Variants in BBX observed in about 807,000 individuals in gnomAD.
BBX encodes the protein HMG box transcription factor BBX.
BBX carries 30 observed loss-of-function variants against 100.2 expected under a neutral mutation model. That is an observed-to-expected ratio of 0.30 (90% CI 0.22 to 0.41). BBX has a LOEUF of 0.41. Among genes scored for constraint, BBX ranks in the 10% least tolerant of loss-of-function variants. BBX has a pLI of 1.00. For missense variants in BBX, 1,023 were observed against 1,129.8 expected, an observed-to-expected ratio of 0.91 and a Z score of 1.35; for synonymous variants, 376 against 388.1, an observed-to-expected ratio of 0.97 and a Z score of 0.37.
intron 2 of BBX, among the ~76,000 whole-genome samples, chr3:107,541,307 T>C (rs547693118): frequency 1.3e-5 from 2 of 152,302 alleles, no homozygotes; most frequent in South Asian, 4.1e-4. Flanking sequence ...AATTTATCTT[T>C]TTGAGCTAAA....
rs182632308 is a variant in BBX at position 107,646,635 on chromosome 3, C to A, written c.-10+726C>A. 3.3e-5 allele frequency among the ~76,000 whole-genome samples: 5 copies of A among 152,132 alleles called. No individual in the cohort carries two copies. The East Asian group carries it at 9.6e-4, about 29-fold the overall frequency. On this transcript the variant is annotated intron_variant, in intron 3 of 17. Coordinates refer to ENST00000325805, the MANE Select transcript of BBX (RefSeq NM_001142568.3). ...GGGAATCAGATGTGGGATTGCTTTA[C>A]TGGTATCTGAATACTTTATGGTGAA...
At chr3:107,549,655 T>C (rs886185470) in intron 2 of BBX, among the ~76,000 whole-genome samples, 1 of 152,178 alleles carries the variant, frequency 6.6e-6, no homozygotes, top group Non-Finnish European at 1.5e-5. Flanking sequence ...GGGAATCTAC[T>C]ATTATGCTTG....
Position 107,772,850 on chromosome 3 carries a change from C to G in BBX, c.1129C>G (p.Gln377Glu), listed in dbSNP as rs750052025. ...SKELRNFEAL[Q>E]IDDIMAIKME... ...GGAATTGAGAAATTTTGAGGCATTG[C>G]AAATAGATGACATAATGGCTATAAA... The change falls in exon 11 of 18, where the codon CAA becomes GAA. Residue 377 changes from glutamine (Q) to glutamate (E), a missense_variant. Around this residue, in one of 9 missense-constraint regions of BBX, gnomAD observed 348 missense variants for 353.2 expected, o/e 0.99. Coordinates refer to ENST00000325805, the MANE Select transcript of BBX (RefSeq NM_001142568.3). The G allele has an allele frequency of 1.2e-6, 2 of 1,613,286 alleles. No individual in the cohort carries two copies. Among genetic ancestry groups the G allele is most frequent in the Admixed American group, 3.3e-5 (2 of 59,936 alleles).
At position 107,700,411 on chromosome 3, in the gene BBX, CATCATTATTATT is replaced by C. The variant is rs1207785502; in HGVS notation, c.-9-10038_-9-10027del. ...AGGAGGCAAAGGTATTTTCTTTCAT[CATCATTATTATT>C]ATTATTATTATTATTATTATTATTA... On this transcript the variant is annotated intron_variant, in intron 3 of 17. Transcript: ENST00000325805. Among the ~76,000 whole-genome samples, 830 of 133,894 alleles carry C rather than the reference CATCATTATTATT, an allele frequency of 6.2e-3. 8 individuals carry two copies. Among genetic ancestry groups the C allele is most frequent in the East Asian group, 0.033 (166 of 4,980 alleles). 87.8% of individuals were successfully genotyped at this position (133,894 alleles called of 152,430 possible).
At chr3:107,610,667 G>C (rs1169878670) in intron 2 of BBX, among the ~76,000 whole-genome samples, 1 of 151,876 alleles carries the variant, frequency 6.6e-6, no homozygotes, top group Non-Finnish European at 1.5e-5. Flanking sequence ...AGCCACTCCT[G>C]CTCCTTTTCT....
At chr3:107,707,385 A>C (rs2061454061) in intron 3 of BBX, among the ~76,000 whole-genome samples, 1 of 152,236 alleles carries the variant, frequency 6.6e-6, no homozygotes, top group South Asian at 2.1e-4. Flanking sequence ...ATCCTGGAGA[A>C]TATAAATAGT....
chr3:107,679,509 T>C (rs2059463341), intron 3 of BBX, among the ~76,000 whole-genome samples: 1 of 152,080 alleles, frequency 6.6e-6, no homozygotes, highest in Non-Finnish European at 1.5e-5. Flanking sequence ...ACCTAATATA[T>C]GCCAGGCACA....
At chr3:107,799,348 GTGGTTCCTACTGAAAAATGAGTCTA>G (rs2070153903) in intron 16 of BBX, among the ~76,000 whole-genome samples, 1 of 152,310 alleles carries the variant, frequency 6.6e-6, no homozygotes, top group South Asian at 2.1e-4. Context: ...GTAAGCAACT[GTGGTTCCTACTGAAAAATGAGTCTA>G]TTCTGCAGCT....
At chr3:107,793,985 A>G (rs915918371) in intron 15 of BBX, among the ~76,000 whole-genome samples, 2 of 152,094 alleles carry the variant, frequency 1.3e-5, no homozygotes, top group African/African-American at 4.8e-5. Flanking sequence ...ATTTCGGTAT[A>G]TATGTATTAA....
chr3:107,720,564 A>G (rs1413075358), intron 5 of BBX, among the ~76,000 whole-genome samples: 3 of 152,048 alleles, frequency 2.0e-5, no homozygotes, highest in African/African-American at 4.8e-5. Context: ...AAATGATGAT[A>G]CAAAGGTAAA....
At chr3:107,569,847 A>G (rs765358293) in intron 2 of BBX, among the ~76,000 whole-genome samples, 1 of 152,162 alleles carries the variant, frequency 6.6e-6, no homozygotes, top group African/African-American at 2.4e-5. Context: ...TGAGTTACCC[A>G]AAGTGTCTGT....
intron 2 of BBX, among the ~76,000 whole-genome samples, chr3:107,542,729 T>C (rs2048947243): frequency 6.6e-6 from 1 of 152,214 alleles, no homozygotes; most frequent in Admixed American, 6.5e-5. Flanking sequence ...GTCATTCTTC[T>C]GGTAAATGGT....
At position 107,716,836 on chromosome 3, in the gene BBX, A is replaced by T. The variant is rs1457648992; in HGVS notation, c.392A>T (p.Asp131Val). 6.2e-7 allele frequency: 1 copy of T among 1,613,474 alleles called. No individual in the cohort carries two copies. Among genetic ancestry groups the T allele is most frequent in the South Asian group, 1.1e-5 (1 of 91,056 alleles). The change falls in exon 5 of 18, where the codon GAC becomes GTC. Residue 131 changes from aspartate (D) to valine (V), a missense_variant. Around this residue, in one of 9 missense-constraint regions of BBX, gnomAD observed 229 missense variants for 226.3 expected, o/e 1.01. Coordinates refer to ENST00000325805, the MANE Select transcript of BBX (RefSeq NM_001142568.3). ...LDPKEKQKYT[D>V]MAKEYKDAFM... ...CCAAAGGAAAAGCAGAAATACACAG[A>T]CATGGCCAAGGAGGTAGGTTACAAT...
chr3:107,563,158 A>T (rs576866602), intron 2 of BBX, among the ~76,000 whole-genome samples: 1 of 152,108 alleles, frequency 6.6e-6, no homozygotes, highest in South Asian at 2.1e-4. Flanking sequence ...GAAGGGGTGG[A>T]GGTTGTTAAT....
intron 2 of BBX, among the ~76,000 whole-genome samples, chr3:107,561,499 G>A (rs888766189): frequency 4.6e-5 from 7 of 152,082 alleles, no homozygotes; most frequent in Non-Finnish European, 1.0e-4. Context: ...CCACAAGTAG[G>A]GAAAGAGATA....
chr3:107,539,907 C>G (rs1334518098), intron 2 of BBX, among the ~76,000 whole-genome samples: 1 of 152,100 alleles, frequency 6.6e-6, no homozygotes, highest in Non-Finnish European at 1.5e-5. Flanking sequence ...TTGTTTTGTT[C>G]ACTGCTTTAT....
intron 13 of BBX, among the ~76,000 whole-genome samples, chr3:107,786,907 T>C (rs2068488331): frequency 6.6e-6 from 1 of 152,172 alleles, no homozygotes; most frequent in African/African-American, 2.4e-5. Context: ...AAAAAAACTT[T>C]TATCTAGACT....
At chr3:107,652,181 C>G (rs1326973693) in intron 3 of BBX, among the ~76,000 whole-genome samples, 1 of 43,248 alleles carries the variant, frequency 2.3e-5, no homozygotes, top group Non-Finnish European at 4.5e-5. Context: ...TTGATATAGG[C>G]TCAAATGAAC....
chr3:107,585,346 A>G (rs2052751684), intron 2 of BBX, among the ~76,000 whole-genome samples: 1 of 152,136 alleles, frequency 6.6e-6, no homozygotes, highest in African/African-American at 2.4e-5. Flanking sequence ...CGGAGAAGAG[A>G]GAGAGGATGG....
Sources: allele counts gnomAD v4.1 joint callset (sites outside exome capture counted in the v4.1 genomes callset), GRCh38; gene constraint gnomAD v4.1.1; regional missense constraint gnomAD v4.1.1; transcripts MANE v1.5; gene names NCBI Gene and HGNC (gene_info 2026-07-23, HGNC 2026-07-21).